SEC31A: variants seen among roughly 807,000 people sequenced by gnomAD.
The protein encoded by SEC31A is SEC31 homolog A, COPII component.
SEC31A carries 70 observed loss-of-function variants against 151.0 expected under a neutral mutation model. The ratio of observed to expected loss-of-function variants is 0.46; its 90% CI spans 0.38 to 0.57. The LOEUF is 0.57. SEC31A is among the 20% of genes least tolerant of loss of function. The pLI, the probability that SEC31A is intolerant of heterozygous loss-of-function variation, is 0.00. For missense variants in SEC31A, 1,330 were observed against 1,471.2 expected (o/e 0.90, Z 1.57); for synonymous variants, 475 against 505.9 (o/e 0.94, Z 0.82).
At chr4:82,881,664 T>C (rs1739365214) in intron 2 of SEC31A, among the ~76,000 whole-genome samples, 194 bp downstream of exon 2, 1 of 152,186 alleles carries the variant, frequency 6.6e-6, no homozygotes, top group Admixed American at 6.5e-5. Context: ...AAGGAAAATA[T>C]TTTAGATGTA....
intron 25 of SEC31A, among the ~76,000 whole-genome samples, chr4:82,822,968 C>T (rs1030498714): frequency 6.6e-6 from 1 of 151,404 alleles, no homozygotes; most frequent in Non-Finnish European, 1.5e-5. Flanking sequence ...AGTGAAACTC[C>T]GTCTCAAAAA....
intron 7 of SEC31A, chr4:82,871,482 G>A: frequency 8.4e-7 from 1 of 1,185,772 alleles, no homozygotes; most frequent in Non-Finnish European, 1.2e-6. Context: ...ACTGATAACT[G>A]ACATAAACAT....
chr4:82,890,817 C>G lies in SEC31A; in HGVS notation c.-5+271G>C, dbSNP rs917407769. 5 of 1,310,746 alleles carry G rather than the reference C, an allele frequency of 3.8e-6. No individual in the cohort carries two copies. The African/African-American group carries it at 7.7e-5, about 20-fold the overall frequency. The allele number at this position is 1,310,746 out of a possible 1,614,324, so 81.2% of individuals were successfully genotyped here. A position where few individuals can be genotyped will look rare whatever the true frequency, so the allele number is the denominator to read the frequency against. ...TCCAGTTACCAGCCCGGCTACTACT[C>G]CCCGGCAAGACACTGTCGCCAGCCT... On this transcript the variant is annotated intron_variant, in intron 1 of 26. Coordinates refer to ENST00000395310, the MANE Select transcript of SEC31A (RefSeq NM_001077207.4).
chr4:82,836,011 T>C (rs746570331), intron 22 of SEC31A, among the ~76,000 whole-genome samples: 4 of 152,040 alleles, frequency 2.6e-5, no homozygotes, highest in Non-Finnish European at 5.9e-5. Flanking sequence ...TGAAAAACAG[T>C]GTGGTGGTTC....
intron 22 of SEC31A, among the ~76,000 whole-genome samples, chr4:82,829,754 A>C (rs1431669951): frequency 1.3e-5 from 2 of 152,212 alleles, no homozygotes; most frequent in African/African-American, 2.4e-5. Flanking sequence ...CTAAAAAAAA[A>C]CACATGCACA....
In SEC31A at chr4:82,829,003, C is replaced by T. The variant is rs1725306950; in HGVS notation, c.3024G>A (p.Lys1008=). ...GATGGACATCTTTTTCTAGTACCTT[C>T]TTCTTTTTGGGTACTCTGTTCAAAG... ...PPALNRVPKK[K]KMPENFMPPV... is the part of the protein sequence containing the mutation. Residue 1008 remains lysine, a synonymous_variant, in exon 23 of 27, where the codon AAG becomes AAA. Coordinates refer to ENST00000395310, the MANE Select transcript of SEC31A (RefSeq NM_001077207.4). 1 of 1,613,178 alleles carries T rather than the reference C, an allele frequency of 6.2e-7. No homozygotes were observed. The highest frequency in any genetic ancestry group is 1.3e-5 in the African/African-American group (1 of 74,902).
intron 25 of SEC31A, among the ~76,000 whole-genome samples, chr4:82,822,177 T>G (rs1230748094): frequency 6.6e-6 from 1 of 152,238 alleles, no homozygotes; most frequent in Non-Finnish European, 1.5e-5. Flanking sequence ...TACTATGTGC[T>G]GTACCAGGGA....
chr4:82,856,159 G>T (rs577651752), intron 16 of SEC31A, among the ~76,000 whole-genome samples: 6 of 150,640 alleles, frequency 4.0e-5, no homozygotes, highest in Non-Finnish European at 8.9e-5. Flanking sequence ...AAAATTTTGG[G>T]TTTTTTTTTG....
rs1284269220 is a variant in SEC31A at position 82,826,860 on chromosome 4, T to C, written c.3291+509A>G. The stretch of plus-strand genomic sequence containing the variant: ...AGATCAAAATACTTAACTCTGTATG[T>C]CTAAGTGTATTATGTAGAAATGTGT... On this transcript the variant is annotated intron_variant, in intron 24 of 26. Transcript: ENST00000395310. Among the ~76,000 whole-genome samples, 3 of 152,364 alleles carry C rather than the reference T, an allele frequency of 2.0e-5. No individual in the cohort carries two copies. The East Asian group carries it at 5.8e-4, about 29-fold the overall frequency.
chr4:82,843,876 C>T (rs1384859533), intron 21 of SEC31A: 2 of 152,442 alleles, frequency 1.3e-5, no homozygotes, highest in Non-Finnish European at 2.9e-5. Context: ...GTAACAAATA[C>T]ACCACTGTGG....
intron 21 of SEC31A, among the ~76,000 whole-genome samples, chr4:82,843,111 CAGATT>C (rs1183600254): frequency 1.3e-5 from 2 of 150,874 alleles, no homozygotes; most frequent in Non-Finnish European, 2.9e-5. Flanking sequence ...GACCTAAACC[CAGATT>C]AGGGAGTTGT....
chr4:82,850,487 T>C (rs572584821), intron 19 of SEC31A, among the ~76,000 whole-genome samples: 1 of 152,216 alleles, frequency 6.6e-6, no homozygotes, highest in East Asian at 1.9e-4. Flanking sequence ...ATGAAATTTA[T>C]CAATAATTCT....
At chr4:82,826,533 A>G (rs1325932617) in intron 24 of SEC31A, among the ~76,000 whole-genome samples, 1 of 152,198 alleles carries the variant, frequency 6.6e-6, no homozygotes, top group Non-Finnish European at 1.5e-5. Flanking sequence ...TTGTATTTTT[A>G]GTAGAGACAG....
chr4:82,882,401 C>CAAAAAAAAAAAA (rs57974382), intron 1 of SEC31A, among the ~76,000 whole-genome samples: 9 of 92,478 alleles, frequency 9.7e-5, no homozygotes, highest in African/African-American at 4.6e-4. Context: ...GACTCTATCT[C>CAAAAAAAAAAAA]AAAAAAAAAA....
Position 82,870,306 on chromosome 4 carries a change from A to G in SEC31A, c.882+19T>C. On this transcript the variant is annotated intron_variant, in intron 8 of 26. Transcript: ENST00000395310. ...ATACTATAAGGGCTACAAGGTTGAG[A>G]CACATTTCCTGCCCATACCTCTCCT... The G allele has an allele frequency of 1.9e-6, 3 of 1,585,638 alleles. No homozygotes were observed. Among genetic ancestry groups the G allele is most frequent in the Non-Finnish European group, 2.6e-6 (3 of 1,154,966 alleles).
chr4:82,846,225 G>A (rs375070118), intron 20 of SEC31A, among the ~76,000 whole-genome samples: 1 of 151,260 alleles, frequency 6.6e-6, no homozygotes, highest in Admixed American at 6.6e-5. Context: ...GGCTGGTCTC[G>A]ATCTCCTGAC....
rs34724288 is a variant in SEC31A, at chr4:82,820,133, GTTT to G, written c.3484-883_3484-881del. ...GATGTATACGCTAATTGTATCTTCT[GTTT>G]TTTTTTTTTTTTTTTGGAAATGCGG... On this transcript the variant is annotated intron_variant, in intron 26 of 26. Transcript: ENST00000395310. 1.1e-3 allele frequency among the ~76,000 whole-genome samples: 128 copies of G among 113,770 alleles called. 2 individuals carry two copies. Among genetic ancestry groups the G allele is most frequent in the Non-Finnish European group, 1.3e-3 (73 of 56,004 alleles). The allele number at this position is 113,770 out of a possible 152,430, so 74.6% of individuals were successfully genotyped here. A position where few individuals can be genotyped will look rare whatever the true frequency, so the allele number is the denominator to read the frequency against.
intron 20 of SEC31A, chr4:82,845,104 TG>T: frequency 2.6e-6 from 2 of 758,904 alleles, no homozygotes; most frequent in East Asian, 3.0e-5. Context: ...GGATGGGGAG[TG>T]GGGGTGAAAG....
intron 20 of SEC31A, 94 bp downstream of exon 20, chr4:82,848,710 A>T (rs1235465396): frequency 3.0e-6 from 3 of 1,016,712 alleles, no homozygotes; most frequent in Non-Finnish European, 2.9e-6. Flanking sequence ...TAGTTTTACC[A>T]TATCAGAGAA....
Sources: gnomAD v4.1 joint callset for allele counts (sites outside exome capture counted in the v4.1 genomes callset) on GRCh38, gnomAD v4.1.1 for gene constraint, MANE v1.5 for transcripts, NCBI Gene and HGNC (gene_info 2026-07-23, HGNC 2026-07-21) for gene names.